The following CHN1 variants were observed in gnomAD, a reference collection of about 807,000 sequenced individuals.
CHN1 encodes the protein N-chimaerin.
Under a neutral mutation model 59.5 loss-of-function variants are expected in CHN1, and 37 were observed. That is an observed-to-expected ratio of 0.62 (90% CI 0.48 to 0.82). The LOEUF (loss-of-function observed/expected upper bound fraction) is 0.82. CHN1 is among the 40% of genes least tolerant of loss of function. The pLI is 0.00. For synonymous variants in CHN1, 206 were observed against 200.4 expected, an observed-to-expected ratio of 1.03 and a Z score of -0.24; for missense variants, 469 against 571.0, an observed-to-expected ratio of 0.82 and a Z score of 1.82.
At chr2:174,935,339 T>C (rs1689465781) in intron 3 of CHN1, among the ~76,000 whole-genome samples, 1 of 152,214 alleles carries the variant, frequency 6.6e-6, no homozygotes, top group African/African-American at 2.4e-5. Context: ...CCAAGAATGC[T>C]GACTGAATGA....
intron 1 of CHN1, among the ~76,000 whole-genome samples, chr2:175,002,816 T>C (rs1233895195): frequency 6.6e-6 from 1 of 152,210 alleles, no homozygotes; most frequent in African/African-American, 2.4e-5. Context: ...ATTGCTCTTC[T>C]GTTCTAAGTT....
intron 1 of CHN1, among the ~76,000 whole-genome samples, chr2:174,966,289 T>G (rs1435563554): frequency 6.6e-6 from 1 of 152,162 alleles, no homozygotes; most frequent in Non-Finnish European, 1.5e-5. Flanking sequence ...GACAATTATT[T>G]TTAATTCTTC....
chr2:174,836,035 C>T (rs775625211), intron 7 of CHN1, among the ~76,000 whole-genome samples: 1 of 152,200 alleles, frequency 6.6e-6, no homozygotes, highest in Non-Finnish European at 1.5e-5. Context: ...GTGTGCAGCT[C>T]TGTCTCCTCA....
rs1687061924 is a variant in CHN1 at position 174,861,323 on chromosome 2, T to C, written c.550-14366A>G. 4.6e-5 allele frequency among the ~76,000 whole-genome samples: 7 copies of C among 152,288 alleles called. No homozygotes were observed. The South Asian group carries it at 1.5e-3, about 32-fold the overall frequency. On this transcript the variant is annotated intron_variant, in intron 6 of 12. Coordinates refer to ENST00000409900, the MANE Select transcript of CHN1 (RefSeq NM_001822.7). ...GAGCTCTCAAAACTCTCAAAGACTA[T>C]GTGGTGATGCTGATATTGATACTGT...
chr2:174,985,711 G>C (rs1691316224), intron 1 of CHN1, among the ~76,000 whole-genome samples: 1 of 152,158 alleles, frequency 6.6e-6, no homozygotes, highest in African/African-American at 2.4e-5. Flanking sequence ...TACCGGAAAT[G>C]AACACTGTTT....
intron 1 of CHN1, among the ~76,000 whole-genome samples, chr2:174,972,112 T>G (rs904687751): frequency 1.2e-4 from 18 of 152,180 alleles, no homozygotes; most frequent in Admixed American, 3.9e-4. Context: ...CTGGTATCCC[T>G]TATGGTCAGG....
chr2:174,844,232 T>C (rs1040069932), intron 7 of CHN1, among the ~76,000 whole-genome samples: 10 of 149,752 alleles, frequency 6.7e-5, no homozygotes, highest in Admixed American at 4.0e-4. Flanking sequence ...TTACATAACA[T>C]AGCAAAAGGG....
chr2:174,802,238 T>C (rs1034645526), intron 11 of CHN1, among the ~76,000 whole-genome samples: 1 of 152,246 alleles, frequency 6.6e-6, no homozygotes, highest in African/African-American at 2.4e-5. Context: ...TTTTCAGCAA[T>C]GGTATACTAA....
intron 5 of CHN1, among the ~76,000 whole-genome samples, chr2:174,886,201 T>A (rs1191657540): frequency 6.6e-6 from 1 of 152,190 alleles, no homozygotes; most frequent in Non-Finnish European, 1.5e-5. Flanking sequence ...GTTTTTCAGA[T>A]CCCTATTTAA....
intron 3 of CHN1, among the ~76,000 whole-genome samples, chr2:174,932,587 A>G (rs1689382253): frequency 6.6e-6 from 1 of 152,208 alleles, no homozygotes; most frequent in African/African-American, 2.4e-5. Context: ...GATATGGTTT[A>G]GATCTGTGTC....
chr2:174,809,179 C>T lies in CHN1; in HGVS notation c.965-137G>A, dbSNP rs543766746. ...TTTTAACGTAAAATTTAGTGTGCTA[C>T]GTTACATATTAATGATTAATTTTCT... On this transcript the variant is annotated intron_variant, in intron 10 of 12. Transcript: ENST00000409900. 30 of 752,738 alleles carry T rather than the reference C, an allele frequency of 4.0e-5. 1 individual carries two copies. Among genetic ancestry groups the T allele is most frequent in the South Asian group, 3.0e-4 (13 of 42,854 alleles). 46.6% of individuals were successfully genotyped at this position (752,738 alleles called of 1,614,324 possible). A position where few individuals can be genotyped will look rare whatever the true frequency, so the allele number is the denominator to read the frequency against.
At position 174,908,159 on chromosome 2, in the gene CHN1, A is replaced by T. The variant is rs1688594900; in HGVS notation, c.260+6899T>A. Among the ~76,000 whole-genome samples the T allele has an allele frequency of 3.9e-5, 6 of 152,352 alleles. No homozygotes were observed. In the South Asian group the frequency reaches 1.2e-3, roughly 32 times the overall value. On this transcript the variant is annotated intron_variant, in intron 5 of 12. Transcript: ENST00000409900. ...TCTTCTCCCAATTTAGAGAAGCTAA[A>T]ATGAGTCAGATTAACAGAAATGTCT... is the stretch of plus-strand genomic sequence containing the variant.
At chr2:174,934,470 G>A (rs1419603507) in intron 3 of CHN1, among the ~76,000 whole-genome samples, 1 of 152,176 alleles carries the variant, frequency 6.6e-6, no homozygotes, top group Non-Finnish European at 1.5e-5. Context: ...TCACCTGCCT[G>A]CTGCTCACCT....
chr2:174,955,335 A>T (rs1690172707), intron 1 of CHN1, among the ~76,000 whole-genome samples: 1 of 151,946 alleles, frequency 6.6e-6, no homozygotes, highest in Non-Finnish European at 1.5e-5. Context: ...GTTCAGGTGA[A>T]CTTACCCAGA....
intron 7 of CHN1, among the ~76,000 whole-genome samples, chr2:174,824,761 C>G (rs149744830): frequency 1.3e-5 from 2 of 152,108 alleles, no homozygotes; most frequent in South Asian, 2.1e-4. Flanking sequence ...CAGGCACACA[C>G]GACCACACCC....
intron 11 of CHN1, among the ~76,000 whole-genome samples, chr2:174,805,105 A>C (rs1558930187): frequency 6.6e-6 from 1 of 152,254 alleles, no homozygotes; most frequent in Non-Finnish European, 1.5e-5. Context: ...CAGTTGTCAA[A>C]TATACAAAAT....
At chr2:174,878,203 C>CA (rs1001924442) in intron 5 of CHN1, 75 bp from the exon 6 acceptor site, 1,511 of 1,287,340 alleles carry the variant, frequency 1.2e-3, no homozygotes, top group South Asian at 1.7e-3. Flanking sequence ...AAAACAAAAA[C>CA]AAAAAAAAAC....
intron 5 of CHN1, among the ~76,000 whole-genome samples, chr2:174,909,627 AT>A (rs1688632499): frequency 6.6e-6 from 1 of 152,264 alleles, no homozygotes; most frequent in Non-Finnish European, 1.5e-5. Context: ...ACTGAAGCTG[AT>A]GCTGTGACTA....
At chr2:174,854,735 C>G (rs1354892790) in intron 6 of CHN1, among the ~76,000 whole-genome samples, 1 of 152,114 alleles carries the variant, frequency 6.6e-6, no homozygotes, top group Non-Finnish European at 1.5e-5. Context: ...ACTTCTGGCA[C>G]AGAAAGGAAA....
Sources: gnomAD v4.1 joint callset for allele counts (sites outside exome capture counted in the v4.1 genomes callset) on GRCh38, gnomAD v4.1.1 for gene constraint, MANE v1.5 for transcripts, NCBI Gene and HGNC (gene_info 2026-07-23, HGNC 2026-07-21) for gene names.